Variants in LRCH3 observed in about 807,000 individuals in gnomAD.
The protein encoded by LRCH3 is leucine rich repeats and calponin homology domain containing 3, also known as DISP complex protein LRCH3.
In LRCH3, 68 loss-of-function variants were observed where a neutral mutation model predicts 104.5. That is an observed-to-expected ratio of 0.65 (90% CI 0.54 to 0.80). LRCH3 has a LOEUF of 0.80. Ranked by LOEUF, LRCH3 falls within the 30% of genes least tolerant of loss-of-function variation. LRCH3 has a pLI of 0.00. For missense variants in LRCH3, 951 were observed against 953.9 expected (o/e 1.00, Z 0.04); for synonymous variants, 344 against 361.3 (o/e 0.95, Z 0.54).
At chr3:197,842,405 C>A (rs1737934177) in intron 10 of LRCH3, among the ~76,000 whole-genome samples, 1 of 152,164 alleles carries the variant, frequency 6.6e-6, no homozygotes, top group African/African-American at 2.4e-5. Context: ...CTCAGAATGA[C>A]TGACAGCTCT....
At chr3:197,844,611 C>T (rs973889860) in intron 10 of LRCH3, among the ~76,000 whole-genome samples, 2 of 146,364 alleles carry the variant, frequency 1.4e-5, no homozygotes, top group Admixed American at 6.9e-5. Flanking sequence ...ACTTACTGCT[C>T]ATAGGTTTTT....
intron 4 of LRCH3, among the ~76,000 whole-genome samples, chr3:197,821,713 T>C (rs1446104259): frequency 6.6e-6 from 1 of 152,228 alleles, no homozygotes; most frequent in East Asian, 1.9e-4. Context: ...TCACTCCCAT[T>C]ACTCAGGCTA....
At chr3:197,807,017 C>T (rs533907189) in intron 1 of LRCH3, among the ~76,000 whole-genome samples, 126 of 132,726 alleles carry the variant, frequency 9.5e-4, no homozygotes, top group African/African-American at 3.5e-3. Context: ...CTAGCCTGGG[C>T]GACAGGGCGA....
chr3:197,839,276 C>A, intron 9 of LRCH3, 45 bp from the exon 10 acceptor site: 1 of 1,311,900 alleles, frequency 7.6e-7, no homozygotes, highest in Non-Finnish European at 1.1e-6. Flanking sequence ...TCGCAGTGTT[C>A]TGGATTAATA....
chr3:197,826,072 A>T (rs879551611), intron 4 of LRCH3, among the ~76,000 whole-genome samples: 3 of 152,058 alleles, frequency 2.0e-5, no homozygotes, highest in Non-Finnish European at 2.9e-5. Flanking sequence ...GATGTTGGAG[A>T]TGTCTAAATG....
intron 10 of LRCH3, among the ~76,000 whole-genome samples, chr3:197,844,657 C>T (rs185431205): frequency 7.0e-4 from 105 of 150,976 alleles, no homozygotes; most frequent in African/African-American, 1.4e-3. Context: ...CTCACTCTGT[C>T]GCCAGGCTGG....
chr3:197,879,850 T>C (rs1294425785), intron 20 of LRCH3, among the ~76,000 whole-genome samples: 1 of 151,580 alleles, frequency 6.6e-6, no homozygotes, highest in Non-Finnish European at 1.5e-5. Flanking sequence ...TTTTTTTAAA[T>C]AGAGGAGAAT....
intron 10 of LRCH3, among the ~76,000 whole-genome samples, chr3:197,843,238 T>C (rs1187543092): frequency 6.6e-6 from 1 of 152,154 alleles, no homozygotes; most frequent in Non-Finnish European, 1.5e-5. Flanking sequence ...ACCTGGAAGT[T>C]TTTTTGTTTC....
intron 20 of LRCH3, chr3:197,882,712 G>T (rs1713888533): frequency 1.2e-5 from 12 of 985,276 alleles, no homozygotes; most frequent in Non-Finnish European, 1.4e-5. Context: ...TCACAAGAAA[G>T]GGTTAACCTA....
At position 197,888,273 on chromosome 3, in the gene LRCH3, A is replaced by T. The variant is rs1714393036; in HGVS notation, c.*4607A>T. 1 of 152,230 alleles carries T rather than the reference A, an allele frequency of 6.6e-6. No homozygotes were observed. The highest frequency in any genetic ancestry group is 1.5e-5 in the Non-Finnish European group (1 of 68,048). The allele number at this position is 152,230 out of a possible 1,614,324, so 9.4% of individuals were successfully genotyped here. ...AAATGTTGTAAACATGTAATTAGTGAAAGATTTTGTAAAACATTGTCCTGT... is the reference window on the plus strand; with the variant it reads ...AAATGTTGTAAACATGTAATTAGTGTAAGATTTTGTAAAACATTGTCCTGT... On this transcript the variant is annotated 3_prime_UTR_variant, in exon 21 of 21. Coordinates refer to ENST00000425562, the MANE Select transcript of LRCH3 (RefSeq NM_001365715.1).
Position 197,824,454 on chromosome 3 carries a change from C to T in LRCH3, c.641-2424C>T, listed in dbSNP as rs1734884716. ...CTATGGCTAATTCCACCCTCTTTTT[C>T]CAGCAGGCTTTCTGGTCAGACCAGA... is the stretch of plus-strand genomic sequence containing the variant. On this transcript the variant is annotated intron_variant, in intron 4 of 20. Transcript: ENST00000425562. 1.3e-5 allele frequency among the ~76,000 whole-genome samples: 2 copies of T among 149,508 alleles called. 1 individual carries two copies. Among genetic ancestry groups the T allele is most frequent in the South Asian group, 4.3e-4 (2 of 4,662 alleles).
intron 10 of LRCH3, among the ~76,000 whole-genome samples, chr3:197,846,318 C>T (rs928092193): frequency 2.0e-5 from 3 of 148,288 alleles, no homozygotes; most frequent in African/African-American, 5.1e-5. Flanking sequence ...GCGATATTAT[C>T]GCTTGAGGCC....
At chr3:197,862,589 T>C (rs959434599) in intron 15 of LRCH3, among the ~76,000 whole-genome samples, 3 of 152,232 alleles carry the variant, frequency 2.0e-5, no homozygotes, top group Admixed American at 6.5e-5. Context: ...GTTTCTCTTT[T>C]TGTATTATTG....
At position 197,841,981 on chromosome 3, in the gene LRCH3, T is replaced by A. The variant is rs1049121171; in HGVS notation, c.1328+2584T>A. On this transcript the variant is annotated intron_variant, in intron 10 of 20. Coordinates refer to ENST00000425562, the MANE Select transcript of LRCH3 (RefSeq NM_001365715.1). The stretch of plus-strand genomic sequence containing the variant: ...TGGAGTAGCTGCAACTTCAGGCGTG[T>A]GCTACATACTCAGCAAATTTTTTGT... Among the ~76,000 whole-genome samples the A allele has an allele frequency of 4.6e-5, 7 of 152,222 alleles. No individual in the cohort carries two copies. In the East Asian group the frequency reaches 7.7e-4, roughly 17 times the overall value.
intron 1 of LRCH3, among the ~76,000 whole-genome samples, chr3:197,806,450 G>T (rs1485945472): frequency 6.6e-6 from 1 of 151,870 alleles, no homozygotes; most frequent in Non-Finnish European, 1.5e-5. Flanking sequence ...TCAAAGAGAA[G>T]AACATAACAA....
chr3:197,823,541 T>C (rs1734747912), intron 4 of LRCH3: 1 of 152,130 alleles, frequency 6.6e-6, no homozygotes, highest in Non-Finnish European at 1.5e-5. Context: ...CAGGCTGGAG[T>C]GCATGGCGTG....
intron 15 of LRCH3, among the ~76,000 whole-genome samples, chr3:197,864,138 C>T (rs1421620188): frequency 6.6e-6 from 1 of 150,388 alleles, no homozygotes; most frequent in Admixed American, 6.7e-5. Flanking sequence ...GAAACCCTGT[C>T]TCTACTAAAA....
chr3:197,873,011 C>G (rs951545838), intron 19 of LRCH3, among the ~76,000 whole-genome samples: 3 of 152,134 alleles, frequency 2.0e-5, no homozygotes, highest in African/African-American at 7.2e-5. Flanking sequence ...GATCTGTGAC[C>G]GACCTCAGGT....
At chr3:197,806,165 A>T (rs1732464148) in intron 1 of LRCH3, among the ~76,000 whole-genome samples, 1 of 152,146 alleles carries the variant, frequency 6.6e-6, no homozygotes, top group Non-Finnish European at 1.5e-5. Context: ...ACCTCTGGTG[A>T]TCCACCTGCC....
Sources: allele counts gnomAD v4.1 joint callset (sites outside exome capture counted in the v4.1 genomes callset), GRCh38; gene constraint gnomAD v4.1.1; transcripts MANE v1.5; gene names NCBI Gene and HGNC (gene_info 2026-07-23, HGNC 2026-07-21).